AGBL1: variants seen among roughly 807,000 people sequenced by gnomAD.
AGBL1 encodes the protein AGBL carboxypeptidase 1.
Under a neutral mutation model 118.9 loss-of-function variants are expected in AGBL1, and 130 were observed. The observed-to-expected ratio is 1.09, with a 90% CI of 0.95 to 1.26. The LOEUF is 1.26. Among genes scored for constraint, AGBL1 ranks in the 50% most tolerant of loss-of-function variants. The probability of loss-of-function intolerance (pLI) is 0.00; values close to 1 mark genes in which losing one functional copy is unlikely to be tolerated. For missense variants in AGBL1, 1,584 were observed against 1,298.1 expected (o/e 1.22, Z -3.38); for synonymous variants, 555 against 478.9 (o/e 1.16, Z -2.08).
chr15:86,562,212 T>C (rs11631678), intron 21 of AGBL1, among the ~76,000 whole-genome samples: 93,692 of 151,958 alleles, frequency 0.62, 29,200 homozygotes, highest in East Asian at 0.89. Context: ...GGCATCCCTG[T>C]CTTGTGCCAG....
intron 18 of AGBL1, among the ~76,000 whole-genome samples, chr15:86,455,330 G>T (rs1261786370): frequency 6.6e-6 from 1 of 152,136 alleles, no homozygotes; most frequent in East Asian, 1.9e-4. Flanking sequence ...AATAAGCCAG[G>T]GTCAGAGAAG....
At chr15:86,430,385 C>T (rs950055829) in intron 18 of AGBL1, among the ~76,000 whole-genome samples, 5 of 151,600 alleles carry the variant, frequency 3.3e-5, no homozygotes, top group Non-Finnish European at 5.9e-5. Flanking sequence ...GTACCAGCTA[C>T]TCAGGAGGCT....
chr15:87,014,748 TGGGGG>T, intron 24 of AGBL1, among the ~76,000 whole-genome samples: 2 of 152,134 alleles, frequency 1.3e-5, no homozygotes. Flanking sequence ...CCAGGCTCAG[TGGGGG>T]AATACCTGAA....
chr15:86,205,188 T>G (rs562810103), intron 5 of AGBL1, among the ~76,000 whole-genome samples: 62 of 152,338 alleles, frequency 4.1e-4, no homozygotes, highest in Non-Finnish European at 7.6e-4. Context: ...AAATGTCATT[T>G]AGTTGGAATC....
chr15:86,095,804 G>A (rs1896342194), intron 1 of AGBL1, among the ~76,000 whole-genome samples: 1 of 151,908 alleles, frequency 6.6e-6, no homozygotes, highest in Non-Finnish European at 1.5e-5. Flanking sequence ...TCCACTACAT[G>A]TGATTACTGA....
chr15:86,103,475 C>T (rs1166979585), intron 1 of AGBL1, among the ~76,000 whole-genome samples: 2 of 152,178 alleles, frequency 1.3e-5, no homozygotes, highest in Non-Finnish European at 2.9e-5. Flanking sequence ...GCAGTCACTT[C>T]TCCCATTTTT....
intron 22 of AGBL1, among the ~76,000 whole-genome samples, chr15:86,886,775 A>C (rs1195654112): frequency 3.3e-5 from 5 of 152,212 alleles, no homozygotes; most frequent in Non-Finnish European, 7.3e-5. Flanking sequence ...GCTTGGACCC[A>C]GTCGGAGAAC....
At chr15:86,794,956 C>G (rs1338532534) in intron 22 of AGBL1, among the ~76,000 whole-genome samples, 1 of 152,098 alleles carries the variant, frequency 6.6e-6, no homozygotes. Context: ...AGAAGGCCAC[C>G]CGGGGGGACC....
chr15:86,103,944 C>A (rs993340572), intron 1 of AGBL1, among the ~76,000 whole-genome samples: 1 of 152,000 alleles, frequency 6.6e-6, no homozygotes, highest in Non-Finnish European at 1.5e-5. Context: ...ATGGCAGTAG[C>A]CATAGCAGGA....
chr15:86,516,753 A>G (rs914569812), intron 18 of AGBL1, among the ~76,000 whole-genome samples: 10 of 143,982 alleles, frequency 6.9e-5, no homozygotes, highest in African/African-American at 2.5e-4. Flanking sequence ...GTGAGCCGGG[A>G]TGGTGCTCTA....
At chr15:86,501,338 C>T (rs2082915308) in intron 18 of AGBL1, among the ~76,000 whole-genome samples, 1 of 151,336 alleles carries the variant, frequency 6.6e-6, no homozygotes, top group South Asian at 2.1e-4. Context: ...TTTTACCTAG[C>T]CTTTGATTGG....
chr15:86,813,643 G>A (rs537816049), intron 22 of AGBL1, among the ~76,000 whole-genome samples: 22 of 152,200 alleles, frequency 1.4e-4, no homozygotes, highest in African/African-American at 3.9e-4. Context: ...CTCATTTCTC[G>A]TGGGTGGCAG....
At chr15:86,844,269 G>T (rs1027191486) in intron 22 of AGBL1, among the ~76,000 whole-genome samples, 1 of 152,134 alleles carries the variant, frequency 6.6e-6, no homozygotes, top group Non-Finnish European at 1.5e-5. Context: ...GGTAAGATAC[G>T]TTTCACTTTT....
At chr15:86,999,162 C>T (rs8031448) in intron 24 of AGBL1, among the ~76,000 whole-genome samples, 77,836 of 149,934 alleles carry the variant, frequency 0.52, 22,367 homozygotes, top group South Asian at 0.71. Flanking sequence ...GCTTCATCCA[C>T]GTCCCTACAA....
intron 17 of AGBL1, among the ~76,000 whole-genome samples, chr15:86,328,738 A>T (rs894634712): frequency 2.6e-5 from 4 of 152,132 alleles, no homozygotes; most frequent in African/African-American, 9.7e-5. Flanking sequence ...GATCCAAGCA[A>T]CTGAGGCTGA....
intron 22 of AGBL1, among the ~76,000 whole-genome samples, chr15:86,890,360 A>C (rs2080035940): frequency 6.6e-6 from 1 of 152,006 alleles, no homozygotes; most frequent in South Asian, 2.1e-4. Flanking sequence ...TCTGATTGAT[A>C]ATTGTTTCTT....
intron 22 of AGBL1, among the ~76,000 whole-genome samples, chr15:86,754,310 A>C (rs1269454479): frequency 6.6e-6 from 1 of 152,108 alleles, no homozygotes; most frequent in Non-Finnish European, 1.5e-5. Context: ...CTAGATTATA[A>C]AATTCTTGAG....
At chr15:86,609,222 G>C (rs967234927) in intron 21 of AGBL1, among the ~76,000 whole-genome samples, 1 of 152,150 alleles carries the variant, frequency 6.6e-6, no homozygotes, top group African/African-American at 2.4e-5. Flanking sequence ...CTCTTGAGGA[G>C]TACTAGATCT....
chr15:86,297,072 G>T (rs192390959), intron 17 of AGBL1: 44 of 152,110 alleles, frequency 2.9e-4, no homozygotes, highest in Admixed American at 2.9e-3. Context: ...CCAACAAATA[G>T]TTCTGTTAAA....
Sources: gnomAD v4.1 joint callset for allele counts (sites outside exome capture counted in the v4.1 genomes callset) on GRCh38, gnomAD v4.1.1 for gene constraint, MANE v1.5 for transcripts, NCBI Gene and HGNC (gene_info 2026-07-23, HGNC 2026-07-21) for gene names.